Variants in MYO16 observed in about 807,000 individuals in gnomAD.
MYO16 encodes the protein unconventional myosin-XVI.
MYO16 carries 94 observed loss-of-function variants against 205.3 expected under a neutral mutation model. That is an observed-to-expected ratio of 0.46 (90% CI 0.39 to 0.54). MYO16 has a LOEUF of 0.54. MYO16 is among the 20% of genes least tolerant of loss of function. The pLI is 0.00. For synonymous variants in MYO16, 988 were observed against 954.0 expected, an observed-to-expected ratio of 1.04 and a Z score of -0.66; for missense variants, 2,315 against 2,387.5, an observed-to-expected ratio of 0.97 and a Z score of 0.63.
At chr13:108,720,668 A>T (rs758470606) in intron 3 of MYO16, among the ~76,000 whole-genome samples, 2 of 152,150 alleles carry the variant, frequency 1.3e-5, no homozygotes, top group Non-Finnish European at 2.9e-5. Context: ...GATGTTTCCT[A>T]GTAATTATTT....
chr13:108,509,693 T>A, the MYO16 span, among the ~76,000 whole-genome samples: 2 of 152,324 alleles, frequency 1.3e-5, no homozygotes, highest in South Asian at 4.1e-4. Flanking sequence ...ATATACCTAA[T>A]GTTAAATGAC....
chr13:108,501,112 T>G, the MYO16 span, among the ~76,000 whole-genome samples: 1 of 152,214 alleles, frequency 6.6e-6, no homozygotes, highest in Non-Finnish European at 1.5e-5. Flanking sequence ...GTCCCTCTTC[T>G]GCTGCCTGCC....
At chr13:108,895,900 G>A (rs189696985) in intron 14 of MYO16, among the ~76,000 whole-genome samples, 14 of 152,304 alleles carry the variant, frequency 9.2e-5, no homozygotes, top group Non-Finnish European at 2.1e-4. Context: ...TGTGCCAGAC[G>A]TAAAGCTGAG....
chr13:109,095,037 C>A (rs1485069800), intron 27 of MYO16, among the ~76,000 whole-genome samples: 9 of 152,182 alleles, frequency 5.9e-5, no homozygotes, highest in African/African-American at 2.2e-4. Flanking sequence ...TCAGTCAATA[C>A]TGGTGAATTG....
intron 20 of MYO16, among the ~76,000 whole-genome samples, chr13:108,974,288 A>G (rs1407220071): frequency 6.6e-6 from 1 of 152,170 alleles, no homozygotes; most frequent in African/African-American, 2.4e-5. Context: ...TCTGATTGAT[A>G]CAATCAGGTA....
intron 27 of MYO16, among the ~76,000 whole-genome samples, chr13:109,068,120 C>T (rs1406744146): frequency 6.6e-6 from 1 of 151,968 alleles, no homozygotes; most frequent in African/African-American, 2.4e-5. Context: ...TTGAGAGTTG[C>T]AATATACTTT....
intron 27 of MYO16, among the ~76,000 whole-genome samples, chr13:109,069,591 G>A (rs2391732): frequency 1.3e-5 from 2 of 151,962 alleles, no homozygotes; most frequent in African/African-American, 2.4e-5. Context: ...GTTGTAGAGG[G>A]GCTCTACACT....
chr13:109,116,467 C>T (rs944098308), intron 28 of MYO16, among the ~76,000 whole-genome samples: 2 of 152,032 alleles, frequency 1.3e-5, no homozygotes, highest in Non-Finnish European at 2.9e-5. Flanking sequence ...TATCCCAATC[C>T]GTGGCTCCCA....
chr13:108,793,943 G>A (rs539790569), intron 6 of MYO16, among the ~76,000 whole-genome samples: 29 of 152,226 alleles, frequency 1.9e-4, no homozygotes, highest in Admixed American at 1.8e-3. Context: ...TGTCCGTCAA[G>A]GTGGACGGGA....
chr13:108,856,750 C>T (rs1878194379), intron 11 of MYO16, among the ~76,000 whole-genome samples: 1 of 152,114 alleles, frequency 6.6e-6, no homozygotes, highest in African/African-American at 2.4e-5. Context: ...TGCATTTAAT[C>T]TGGTTCTCTC....
Position 108,639,459 on chromosome 13 carries a change from TA to T in MYO16, c.28+9588del, listed in dbSNP as rs550910954. On this transcript the variant is annotated intron_variant, in intron 1 of 34. Coordinates refer to ENST00000457511, the MANE Select transcript of MYO16 (RefSeq NM_001198950.3). ...TTCATTGGGATCTCCTGATTTGCGC[TA>T]TTCAAACCCAAGCAGACCCTGTATC... 1.1e-4 allele frequency among the ~76,000 whole-genome samples: 17 copies of T among 152,286 alleles called. No homozygotes were observed. In the East Asian group the frequency reaches 3.3e-3, roughly 29 times the overall value.
At chr13:108,677,337 A>G (rs200441813) in intron 2 of MYO16, among the ~76,000 whole-genome samples, 2,605 of 85,126 alleles carry the variant, frequency 0.031, 25 homozygotes, top group Middle Eastern at 0.084. Flanking sequence ...GTGTGTGTGT[A>G]TATATATATA....
intron 22 of MYO16, among the ~76,000 whole-genome samples, chr13:109,014,474 T>A (rs2139498196): frequency 6.6e-6 from 1 of 152,314 alleles, no homozygotes; most frequent in Middle Eastern, 3.4e-3. Context: ...CATATGAACT[T>A]TAAAGTAGTT....
chr13:108,738,769 T>C (rs896843946), intron 4 of MYO16, among the ~76,000 whole-genome samples: 3 of 152,210 alleles, frequency 2.0e-5, no homozygotes, highest in African/African-American at 7.2e-5. Context: ...TGTGTGCAAG[T>C]CTAAGTCTCT....
chr13:108,708,007 A>G (rs1289042895), intron 2 of MYO16, among the ~76,000 whole-genome samples: 2 of 152,200 alleles, frequency 1.3e-5, no homozygotes, highest in Non-Finnish European at 2.9e-5. Flanking sequence ...ATCCGGTCAC[A>G]TTCCGTAATC....
chr13:108,636,361 TTTTTTTTTTGTGTGTGTG>T (rs1880238936), intron 1 of MYO16, among the ~76,000 whole-genome samples: 1 of 95,432 alleles, frequency 1.0e-5, no homozygotes, highest in Admixed American at 1.1e-4. Flanking sequence ...TTTTTTTTTT[TTTTTTTTTTGTGTGTGTG>T]TGTGTGTGTG....
intron 1 of MYO16, among the ~76,000 whole-genome samples, chr13:108,646,160 G>A (rs1342918462): frequency 1.3e-5 from 2 of 152,172 alleles, no homozygotes; most frequent in Admixed American, 6.5e-5. Flanking sequence ...TAAGAAAAAG[G>A]AGGGCTTTTC....
At chr13:108,773,054 T>C (rs979700121) in intron 4 of MYO16, among the ~76,000 whole-genome samples, 1 of 152,164 alleles carries the variant, frequency 6.6e-6, no homozygotes, top group Non-Finnish European at 1.5e-5. Context: ...CTAGTCTTCA[T>C]AGTTGGCTAT....
intron 14 of MYO16, among the ~76,000 whole-genome samples, chr13:108,889,685 A>G (rs1416192682): frequency 4.2e-5 from 5 of 119,136 alleles, no homozygotes; most frequent in Non-Finnish European, 6.4e-5. Flanking sequence ...CTGGAAGTTC[A>G]TGATGATTTT....
Sources: gnomAD v4.1 joint callset for allele counts (sites outside exome capture counted in the v4.1 genomes callset) on GRCh38, gnomAD v4.1.1 for gene constraint, MANE v1.5 for transcripts, NCBI Gene and HGNC (gene_info 2026-07-23, HGNC 2026-07-21) for gene names.